The following CSMD3 variants were observed in gnomAD, a reference collection of about 807,000 sequenced individuals.
CSMD3 encodes CUB and sushi domain-containing protein 3.
In CSMD3, 177 loss-of-function variants were observed where a neutral mutation model predicts 435.2. The ratio of observed to expected loss-of-function variants is 0.41; its 90% CI spans 0.36 to 0.46. The LOEUF (loss-of-function observed/expected upper bound fraction) is 0.46. Ranked by LOEUF, CSMD3 falls within the 20% of genes least tolerant of loss-of-function variation. The probability of loss-of-function intolerance (pLI) is 0.34; values close to 1 mark genes in which losing one functional copy is unlikely to be tolerated. For missense variants in CSMD3, 4,265 were observed against 4,504.6 expected, an observed-to-expected ratio of 0.95 and a Z score of 1.52; for synonymous variants, 1,656 against 1,520.5, an observed-to-expected ratio of 1.09 and a Z score of -2.07.
At position 112,747,962 on chromosome 8, in the gene CSMD3, C is replaced by CAAAAAA. The variant is rs71309788; in HGVS notation, c.1972+52194_1972+52199dup. Among the ~76,000 whole-genome samples the CAAAAAA allele has an allele frequency of 1.6e-3, 155 of 96,734 alleles. 2 individuals are homozygous for CAAAAAA. Among genetic ancestry groups the CAAAAAA allele is most frequent in the African/African-American group, 5.8e-3 (151 of 25,966 alleles). 63.5% of individuals were successfully genotyped at this position (96,734 alleles called of 152,430 possible). On this transcript the variant is annotated intron_variant, in intron 13 of 70. Coordinates refer to ENST00000297405, the MANE Select transcript of CSMD3 (RefSeq NM_198123.2). ...TGGGCGACAGAACAAGACTCCGTCT[C>CAAAAAA]AAAAAAAAAAAAAAAAAAAAAAAAC...
rs1045407394 is a variant in CSMD3, at chr8:112,656,320, A to G, written c.2838T>C (p.Tyr946=). Reference sequence around the variant, plus strand: ...GCCCATCATGAACTTCCAGAACATCATAATTCAGTTCAGTCTGAAATCTAA... The same window carrying G: ...GCCCATCATGAACTTCCAGAACATCGTAATTCAGTTCAGTCTGAAATCTAA... ...TFERFQTELN[Y]DVLEVHDGPN... The change falls in exon 18 of 71, where the codon TAT becomes TAC. Residue 946 remains tyrosine, a synonymous_variant. Coordinates refer to ENST00000297405, the MANE Select transcript of CSMD3 (RefSeq NM_198123.2). 1.5e-5 allele frequency: 25 copies of G among 1,613,194 alleles called. No homozygotes were observed. Among genetic ancestry groups the G allele is most frequent in the Non-Finnish European group, 2.1e-5 (25 of 1,179,348 alleles).
intron 4 of CSMD3, among the ~76,000 whole-genome samples, chr8:113,167,932 C>A (rs1002739234): frequency 6.6e-6 from 1 of 152,150 alleles, no homozygotes; most frequent in Non-Finnish European, 1.5e-5. Context: ...GGTGGTGGAA[C>A]TCAAAGTCTG....
intron 52 of CSMD3, among the ~76,000 whole-genome samples, chr8:112,303,400 A>G (rs1320078360): frequency 6.6e-6 from 1 of 152,056 alleles, no homozygotes; most frequent in African/African-American, 2.4e-5. Flanking sequence ...TACCTAAAAT[A>G]CAGAAAAAAA....
chr8:113,087,091 C>T (rs956511224), intron 5 of CSMD3, among the ~76,000 whole-genome samples: 5 of 152,122 alleles, frequency 3.3e-5, no homozygotes, highest in Admixed American at 2.6e-4. Context: ...TCATTTTCCA[C>T]TCCAAATTTC....
chr8:113,431,501 G>A (rs1330242954), intron 1 of CSMD3, among the ~76,000 whole-genome samples: 1 of 152,114 alleles, frequency 6.6e-6, no homozygotes, highest in Non-Finnish European at 1.5e-5. Flanking sequence ...AAAGGTACTG[G>A]TGCCTTACCA....
At chr8:112,778,486 T>C (rs1237384256) in intron 13 of CSMD3, among the ~76,000 whole-genome samples, 1 of 151,986 alleles carries the variant, frequency 6.6e-6, no homozygotes. Context: ...GATTGATTTC[T>C]TTCACTTAGT....
chr8:113,250,258 G>T (rs2093322375), intron 3 of CSMD3, among the ~76,000 whole-genome samples: 1 of 151,948 alleles, frequency 6.6e-6, no homozygotes, highest in South Asian at 2.1e-4. Flanking sequence ...CCCAAACTTG[G>T]TTTCTGCCTA....
intron 49 of CSMD3, among the ~76,000 whole-genome samples, chr8:112,312,216 G>T (rs967460828): frequency 1.3e-5 from 2 of 152,088 alleles, no homozygotes; most frequent in African/African-American, 4.8e-5. Context: ...GCTCAAGTAT[G>T]AAAATTCTTC....
intron 27 of CSMD3, among the ~76,000 whole-genome samples, chr8:112,546,115 T>C (rs1345897157): frequency 6.6e-6 from 1 of 152,214 alleles, no homozygotes; most frequent in East Asian, 1.9e-4. Flanking sequence ...TGCGACGATA[T>C]TGTCCTTTCA....
chr8:112,776,746 A>T (rs886521398), intron 13 of CSMD3, among the ~76,000 whole-genome samples: 18 of 151,802 alleles, frequency 1.2e-4, no homozygotes, highest in Admixed American at 4.6e-4. Context: ...TTCTAAAGCA[A>T]TGACCATTAT....
intron 11 of CSMD3, among the ~76,000 whole-genome samples, chr8:112,842,494 G>A (rs375491957): frequency 1.3e-5 from 2 of 151,712 alleles, no homozygotes; most frequent in Non-Finnish European, 2.9e-5. Context: ...GTTGTTGGTG[G>A]TGGTAGCAGT....
At chr8:112,306,338 T>C in intron 50 of CSMD3, 146 bp from the exon 51 acceptor site, 1 of 678,634 alleles carries the variant, frequency 1.5e-6, no homozygotes, top group Non-Finnish European at 2.6e-6. Context: ...AGAAATACTT[T>C]CCGAACCATA....
chr8:112,229,199 C>T (rs1416825299), intron 69 of CSMD3, among the ~76,000 whole-genome samples: 1 of 152,030 alleles, frequency 6.6e-6, no homozygotes, highest in Non-Finnish European at 1.5e-5. Context: ...AATAAATGGT[C>T]AATGTGCTTT....
intron 11 of CSMD3, among the ~76,000 whole-genome samples, chr8:112,831,390 C>G (rs966896008): frequency 6.7e-6 from 1 of 149,950 alleles, no homozygotes; most frequent in Non-Finnish European, 1.5e-5. Flanking sequence ...TTTTGGTACA[C>G]ATTTTCAGGT....
intron 5 of CSMD3, among the ~76,000 whole-genome samples, chr8:113,032,980 C>G (rs932929333): frequency 6.6e-6 from 1 of 151,562 alleles, no homozygotes; most frequent in African/African-American, 2.4e-5. Flanking sequence ...AGCCCTAATC[C>G]TTGGTGGCTT....
At chr8:112,677,645 TG>T (rs2075797363) in intron 16 of CSMD3, among the ~76,000 whole-genome samples, 1 of 151,828 alleles carries the variant, frequency 6.6e-6, no homozygotes, top group African/African-American at 2.4e-5. Context: ...ACTTTGAATT[TG>T]AAATGATCAT....
intron 3 of CSMD3, among the ~76,000 whole-genome samples, chr8:113,273,731 T>C (rs2093548093): frequency 6.6e-6 from 1 of 152,166 alleles, no homozygotes; most frequent in Non-Finnish European, 1.5e-5. Flanking sequence ...TACCCTGATT[T>C]AATGGATCTC....
intron 10 of CSMD3, among the ~76,000 whole-genome samples, chr8:112,908,916 A>AC (rs2082333288): frequency 6.6e-6 from 1 of 151,646 alleles, no homozygotes; most frequent in Non-Finnish European, 1.5e-5. Context: ...CTAGAAGACA[A>AC]CAAAGTAAAT....
In CSMD3 at chr8:113,383,609, G is replaced by A. The variant is rs532216572; in HGVS notation, c.178+53068C>T. Among the ~76,000 whole-genome samples the A allele has an allele frequency of 6.6e-5, 10 of 152,196 alleles. No individual in the cohort carries two copies. In the South Asian group the frequency reaches 8.3e-4, roughly 13 times the overall value. ...CAATGAGGTTCATTTTGATGATGTC[G>A]ATTTTCAGTGCCTGCAGATCATCCA... On this transcript the variant is annotated intron_variant, in intron 1 of 70. Transcript: ENST00000297405.
Sources: gnomAD v4.1 joint callset for allele counts (sites outside exome capture counted in the v4.1 genomes callset) on GRCh38, gnomAD v4.1.1 for gene constraint, MANE v1.5 for transcripts, NCBI Gene and HGNC (gene_info 2026-07-23, HGNC 2026-07-21) for gene names.